The following NSUN6 variants were observed in gnomAD, a reference collection of about 807,000 sequenced individuals.
The protein encoded by NSUN6 is NOP2/Sun RNA methyltransferase 6, also known as tRNA (cytosine(72)-C(5))-methyltransferase NSUN6.
NSUN6 carries 64 observed loss-of-function variants against 58.0 expected under a neutral mutation model. The ratio of observed to expected loss-of-function variants is 1.10; its 90% CI spans 0.90 to 1.36. NSUN6 has a LOEUF of 1.36. NSUN6 is among the 40% of genes most tolerant of loss of function. NSUN6 has a pLI of 0.00. For missense variants in NSUN6, 701 were observed against 550.1 expected, an observed-to-expected ratio of 1.27 and a Z score of -2.74; for synonymous variants, 231 against 193.9, an observed-to-expected ratio of 1.19 and a Z score of -1.59.
intron 3 of NSUN6, among the ~76,000 whole-genome samples, chr10:18,640,127 T>C (rs1046108529): frequency 1.3e-5 from 2 of 152,260 alleles, no homozygotes; most frequent in African/African-American, 2.4e-5. Context: ...TGGAACGATA[T>C]CCATTATACA....
upstream of NSUN6, among the ~76,000 whole-genome samples, chr10:18,655,656 A>T (rs1203777980): frequency 1.3e-5 from 2 of 152,172 alleles, no homozygotes; most frequent in East Asian, 3.8e-4. Flanking sequence ...GACTGTAGTA[A>T]AGAGGGGCAA....
intron 8 of NSUN6, among the ~76,000 whole-genome samples, chr10:18,558,489 T>TGGAGAAGGGA (rs1564714516): frequency 7.0e-6 from 1 of 142,754 alleles, no homozygotes; most frequent in Non-Finnish European, 1.5e-5. Flanking sequence ...AGGAATAGAA[T>TGGAGAAGGGA]ATGGAATGGA....
chr10:18,637,454 G>A (rs1361690027), intron 3 of NSUN6, among the ~76,000 whole-genome samples: 5 of 152,210 alleles, frequency 3.3e-5, no homozygotes, highest in Non-Finnish European at 5.9e-5. Flanking sequence ...ATAATTTAAA[G>A]TTAAATCATC....
At chr10:18,656,486 G>C (rs1326988427), upstream of NSUN6, among the ~76,000 whole-genome samples, 3 of 152,134 alleles carry the variant, frequency 2.0e-5, no homozygotes, top group East Asian at 5.8e-4. Flanking sequence ...GCAGTGAGCT[G>C]AGATCACACA....
chr10:18,595,104 C>G (rs2057534005), intron 7 of NSUN6, among the ~76,000 whole-genome samples: 1 of 152,138 alleles, frequency 6.6e-6, no homozygotes, highest in South Asian at 2.1e-4. Context: ...GAGCCAACAA[C>G]CATCCAAGAC....
At chr10:18,562,350 G>A (rs1422885390) in intron 8 of NSUN6, among the ~76,000 whole-genome samples, 3 of 149,902 alleles carry the variant, frequency 2.0e-5, no homozygotes, top group East Asian at 2.0e-4. Context: ...GGAATGGACT[G>A]CGAAACGGAA....
upstream of NSUN6, among the ~76,000 whole-genome samples, chr10:18,656,303 C>G (rs2059776813): frequency 6.6e-6 from 1 of 152,146 alleles, no homozygotes; most frequent in Non-Finnish European, 1.5e-5. Context: ...CTTTGGGAGG[C>G]CAAGGCAGGT....
At chr10:18,652,343 A>G, upstream of NSUN6, 1 of 983,556 alleles carries the variant, frequency 1.0e-6, no homozygotes, top group Non-Finnish European at 1.2e-6. Flanking sequence ...TATCACCTTG[A>G]CATATGTTTT....
intron 8 of NSUN6, among the ~76,000 whole-genome samples, chr10:18,554,027 T>G (rs1392471688): frequency 6.7e-6 from 1 of 149,990 alleles, no homozygotes; most frequent in South Asian, 2.1e-4. Context: ...TGGAATGGCA[T>G]AGAGAATGAA....
intron 2 of NSUN6, among the ~76,000 whole-genome samples, chr10:18,646,647 A>C (rs1216287945): frequency 1.3e-5 from 2 of 152,342 alleles, no homozygotes; most frequent in African/African-American, 4.8e-5. Context: ...GTTCGAGACC[A>C]GCCTAGCCAA....
At chr10:18,645,134 G>GCT in intron 2 of NSUN6, among the ~76,000 whole-genome samples, 1 of 144,252 alleles carries the variant, frequency 6.9e-6, no homozygotes, top group South Asian at 2.2e-4. Context: ...CTCCAGCCTG[G>GCT]CTGACAGAGC....
At chr10:18,620,463 C>T (rs2131384484) in intron 3 of NSUN6, among the ~76,000 whole-genome samples, 1 of 152,188 alleles carries the variant, frequency 6.6e-6, no homozygotes, top group African/African-American at 2.4e-5. Context: ...TTCATATCTG[C>T]CTCTCCCAAC....
At chr10:18,652,340 T>A, upstream of NSUN6, 1 of 983,546 alleles carries the variant, frequency 1.0e-6, no homozygotes, top group Non-Finnish European at 1.2e-6. Context: ...TTCTATCACC[T>A]TGACATATGT....
At chr10:18,609,960 A>G in intron 5 of NSUN6, 34 bp from the exon 6 acceptor site, 1 of 1,229,210 alleles carries the variant, frequency 8.1e-7, no homozygotes, top group Non-Finnish European at 1.2e-6. Context: ...TAGTCTGTAT[A>G]AATTCCATGG....
chr10:18,565,679 C>A (rs1012862944), intron 8 of NSUN6, among the ~76,000 whole-genome samples: 1 of 150,312 alleles, frequency 6.7e-6, no homozygotes, highest in African/African-American at 2.4e-5. Context: ...CCATTCCATT[C>A]TTCCTTCCAT....
chr10:18,613,189 C>CG (rs1419656855), intron 5 of NSUN6, among the ~76,000 whole-genome samples: 1 of 152,070 alleles, frequency 6.6e-6, no homozygotes, highest in Non-Finnish European at 1.5e-5. Flanking sequence ...TGCAACCCCC[C>CG]GGGTTCAAGC....
At chr10:18,567,629 TATTCCATTCTCC>T (rs1405384473) in intron 8 of NSUN6, among the ~76,000 whole-genome samples, 2 of 149,190 alleles carry the variant, frequency 1.3e-5, no homozygotes, top group African/African-American at 5.0e-5. Context: ...TTCCATTCTC[TATTCCATTCTCC>T]ATTCCATTCC....
intron 8 of NSUN6, among the ~76,000 whole-genome samples, chr10:18,572,515 C>A (rs2056425572): frequency 6.7e-6 from 1 of 150,030 alleles, no homozygotes; most frequent in African/African-American, 2.5e-5. Flanking sequence ...ATTCTGCATT[C>A]CATCTCCATT....
At chr10:18,586,609 C>T (rs1448592525) in intron 7 of NSUN6, among the ~76,000 whole-genome samples, 1 of 152,060 alleles carries the variant, frequency 6.6e-6, no homozygotes, top group Non-Finnish European at 1.5e-5. Context: ...TTTGTTCCTC[C>T]CAGTGGGTTC....
Sources: allele counts gnomAD v4.1 joint callset (sites outside exome capture counted in the v4.1 genomes callset), GRCh38; gene constraint gnomAD v4.1.1; transcripts MANE v1.5; gene names NCBI Gene and HGNC (gene_info 2026-07-23, HGNC 2026-07-21).